Variants in TFPI observed in about 807,000 individuals in gnomAD.
TFPI encodes the protein tissue factor pathway inhibitor.
A neutral mutation model predicts 34.6 loss-of-function variants in TFPI; 15 were observed. The ratio of observed to expected loss-of-function variants is 0.43; its 90% confidence interval spans 0.29 to 0.67. The LOEUF (loss-of-function observed/expected upper bound fraction) is 0.67, where lower values mean the gene tolerates loss of function less well. TFPI is among the 30% of genes least tolerant of loss of function. TFPI has a pLI of 0.15. For missense variants in TFPI, 301 were observed against 364.0 expected, an observed-to-expected ratio of 0.83 and a Z score of 1.41; for synonymous variants, 105 against 120.1, an observed-to-expected ratio of 0.87 and a Z score of 0.82.
At chr2:187,484,409 CAAA>C (rs1693105032) in intron 5 of TFPI, 193 bp from the exon 6 acceptor site, 2 of 561,004 alleles carry the variant, frequency 3.6e-6, no homozygotes, top group Admixed American at 6.9e-5. Flanking sequence ...AGTTCTTGGT[CAAA>C]AAAGCGTAGC....
At chr2:187,500,721 C>A (rs547678620) in intron 2 of TFPI, among the ~76,000 whole-genome samples, 1 of 152,216 alleles carries the variant, frequency 6.6e-6, no homozygotes, top group East Asian at 1.9e-4. Context: ...TTAGAATATT[C>A]TTTGTGCAGT....
chr2:187,467,379 T>G (rs1691771246), intron 7 of TFPI, among the ~76,000 whole-genome samples: 1 of 152,020 alleles, frequency 6.6e-6, no homozygotes, highest in African/African-American at 2.4e-5. Context: ...TTTTATACTC[T>G]TCTTAGTCTT....
intron 2 of TFPI, among the ~76,000 whole-genome samples, chr2:187,498,876 T>G (rs1182179295): frequency 6.6e-6 from 1 of 152,004 alleles, no homozygotes; most frequent in Non-Finnish European, 1.5e-5. Flanking sequence ...AGTAAGAATG[T>G]TGATCAAATC....
intron 1 of TFPI, among the ~76,000 whole-genome samples, chr2:187,553,593 C>T (rs1689170656): frequency 6.6e-6 from 1 of 152,084 alleles, no homozygotes; most frequent in South Asian, 2.1e-4. Flanking sequence ...TACAAAATTG[C>T]ACAACATAGA....
intron 1 of TFPI, among the ~76,000 whole-genome samples, chr2:187,527,979 A>G (rs922222651): frequency 2.0e-5 from 3 of 152,068 alleles, no homozygotes; most frequent in African/African-American, 4.8e-5. Flanking sequence ...TAAACAAAAT[A>G]TATGAAATAG....
intron 2 of TFPI, among the ~76,000 whole-genome samples, chr2:187,498,892 C>A (rs959348515): frequency 6.6e-6 from 1 of 151,892 alleles, no homozygotes; most frequent in South Asian, 2.1e-4. Flanking sequence ...AAATCTTTAA[C>A]TAAAGTTGAG....
intron 4 of TFPI, among the ~76,000 whole-genome samples, chr2:187,487,447 A>G (rs1408595173): frequency 6.6e-6 from 1 of 151,424 alleles, no homozygotes; most frequent in African/African-American, 2.4e-5. Flanking sequence ...TGTCACAGAA[A>G]TTTTCAACTC....
intron 1 of TFPI, chr2:187,518,482 C>G (rs1313483368): frequency 6.6e-6 from 1 of 152,228 alleles, no homozygotes; most frequent in East Asian, 1.9e-4. Context: ...TCTCTTCTGG[C>G]TTGTAGAGTT....
chr2:187,468,303 TATTA>T (rs1691836787), intron 6 of TFPI, among the ~76,000 whole-genome samples: 1 of 151,742 alleles, frequency 6.6e-6, no homozygotes, highest in Non-Finnish European at 1.5e-5. Context: ...CACACATATA[TATTA>T]ATTTACATAT....
chr2:187,515,544 G>A (rs980488601), intron 1 of TFPI: 2 of 152,154 alleles, frequency 1.3e-5, no homozygotes, highest in Non-Finnish European at 2.9e-5. Flanking sequence ...TGAAGAAGAT[G>A]ACAAGCGCTG....
chr2:187,527,254 T>C (rs969920156), intron 1 of TFPI: 1 of 152,196 alleles, frequency 6.6e-6, no homozygotes, highest in Non-Finnish European at 1.5e-5. Flanking sequence ...GCAAGTAGTA[T>C]TCTCAATTGT....
chr2:187,485,090 G>GTTTATTTCTTATTT, intron 4 of TFPI, 103 bp from the exon 5 acceptor site: 1 of 856,740 alleles, frequency 1.2e-6, no homozygotes, highest in Non-Finnish European at 1.6e-6. Context: ...GAAGGAGTAA[G>GTTTATTTCTTATTT]CATAAAAATT....
rs1691683424 is a variant in TFPI at position 187,465,604 on chromosome 2, G to C, written c.*1332C>G. 6.9e-6 allele frequency: 1 copy of C among 145,976 alleles called. No homozygotes were observed. The highest frequency in any genetic ancestry group is 1.5e-5 in the Non-Finnish European group (1 of 66,932). 9.0% of individuals were successfully genotyped at this position (145,976 alleles called of 1,614,324 possible). On this transcript the variant is annotated 3_prime_UTR_variant, in exon 8 of 8. Transcript: ENST00000233156. ...AAAAAAGCATAAAGATTTGGAGACT[G>C]TTTAGATGTGGTATATGAGGGAAAA...
At position 187,464,512 on chromosome 2, in the gene TFPI, T is replaced by C. The variant is rs1296509712; in HGVS notation, c.*2424A>G. ...CAAGCCATCTCAGTATATGTCTTTC[T>C]TGAGTAAGTAGTGAACCAATGGACC... is the stretch of plus-strand genomic sequence containing the variant. On this transcript the variant is annotated 3_prime_UTR_variant, in exon 8 of 8. Transcript: ENST00000233156. The C allele has an allele frequency of 6.6e-6, 1 of 152,190 alleles. No individual in the cohort carries two copies. The highest frequency in any genetic ancestry group is 1.5e-5 in the Non-Finnish European group (1 of 68,020). The allele number at this position is 152,190 out of a possible 1,614,324, so 9.4% of individuals were successfully genotyped here.
At chr2:187,497,100 TATAAC>T (rs1559119419) in intron 2 of TFPI, 22 bp from the exon 3 acceptor site, 1 of 1,588,574 alleles carries the variant, frequency 6.3e-7, no homozygotes. Context: ...AAATAAAAGA[TATAAC>T]ATGTAATCTC....
intron 6 of TFPI, among the ~76,000 whole-genome samples, chr2:187,481,157 T>C (rs1289594767): frequency 6.6e-6 from 1 of 152,094 alleles, no homozygotes; most frequent in Non-Finnish European, 1.5e-5. Flanking sequence ...ATTTAAAGAC[T>C]GGTATTCCAT....
chr2:187,495,706 G>T (rs1685431976), intron 3 of TFPI, among the ~76,000 whole-genome samples: 1 of 152,110 alleles, frequency 6.6e-6, no homozygotes, highest in African/African-American at 2.4e-5. Flanking sequence ...TTTAGTAAAA[G>T]CTATTTAGAA....
At chr2:187,476,657 C>T (rs1692397179) in intron 6 of TFPI, among the ~76,000 whole-genome samples, 1 of 152,044 alleles carries the variant, frequency 6.6e-6, no homozygotes, top group African/African-American at 2.4e-5. Flanking sequence ...TGTATTAATA[C>T]TTCTTAATTT....
intron 6 of TFPI, among the ~76,000 whole-genome samples, chr2:187,469,618 A>G (rs1229311815): frequency 6.6e-6 from 1 of 152,136 alleles, no homozygotes; most frequent in Non-Finnish European, 1.5e-5. Flanking sequence ...AGGGTAGCTA[A>G]AATCTACTTA....
Sources: allele counts gnomAD v4.1 joint callset (sites outside exome capture counted in the v4.1 genomes callset), GRCh38; gene constraint gnomAD v4.1.1; transcripts MANE v1.5; gene names NCBI Gene and HGNC (gene_info 2026-07-23, HGNC 2026-07-21).